The following ASPRV1 variants were observed in gnomAD, a reference collection of about 807,000 sequenced individuals.
ASPRV1 encodes aspartic peptidase retroviral like 1.
A neutral mutation model predicts 11.0 loss-of-function variants in ASPRV1; 7 were observed. The observed-to-expected ratio is 0.64, with a 90% CI of 0.36 to 1.20. The LOEUF is 1.20. Among genes scored for constraint, ASPRV1 ranks in the 50% most tolerant of loss-of-function variants. The pLI is 0.02. For missense variants in ASPRV1, 299 were observed against 320.0 expected, an observed-to-expected ratio of 0.93 and a Z score of 0.50; for synonymous variants, 136 against 138.4, an observed-to-expected ratio of 0.98 and a Z score of 0.12.
the ASPRV1 span, chr2:69,935,513 G>A: frequency 7.5e-7 from 1 of 1,331,274 alleles, no homozygotes; most frequent in East Asian, 2.3e-5. Flanking sequence ...GTTCAGTGAG[G>A]GTTTGTCTGT....
chr2:69,938,255 G>A, the ASPRV1 span: 1 of 1,614,058 alleles, frequency 6.2e-7, no homozygotes, highest in Non-Finnish European at 8.5e-7. Context: ...AAAGCTGCAG[G>A]ACAGTCACAA....
chr2:70,059,015 G>C, the ASPRV1 span, among the ~76,000 whole-genome samples: 3 of 149,990 alleles, frequency 2.0e-5, no homozygotes, highest in Admixed American at 2.0e-4. Context: ...AGCCTCCTGA[G>C]TAGCTGGGAC....
chr2:70,002,883 T>C, the ASPRV1 span, among the ~76,000 whole-genome samples: 2 of 152,226 alleles, frequency 1.3e-5, no homozygotes, highest in South Asian at 2.1e-4. Flanking sequence ...TGATAGAGTA[T>C]GCTCTTAAGT....
At chr2:69,994,674 G>T in the ASPRV1 span, among the ~76,000 whole-genome samples, 1 of 152,136 alleles carries the variant, frequency 6.6e-6, no homozygotes, top group African/African-American at 2.4e-5. Context: ...TCAATTTAGT[G>T]GGTCACAACC....
chr2:69,969,457 CT>C, the ASPRV1 span, among the ~76,000 whole-genome samples: 4 of 152,172 alleles, frequency 2.6e-5, no homozygotes, highest in South Asian at 2.1e-4. Flanking sequence ...TTCTCTGCGC[CT>C]TTGGTTTCTG....
At chr2:69,969,451 C>T in the ASPRV1 span, among the ~76,000 whole-genome samples, 1 of 152,156 alleles carries the variant, frequency 6.6e-6, no homozygotes, top group Non-Finnish European at 1.5e-5. Flanking sequence ...TAGGTCTTCT[C>T]TGCGCCTTTG....
chr2:69,944,261 C>G, the ASPRV1 span, among the ~76,000 whole-genome samples: 1 of 152,332 alleles, frequency 6.6e-6, no homozygotes, highest in Admixed American at 6.5e-5. Flanking sequence ...TAGCCTCCCC[C>G]ACAAGATGAC....
the ASPRV1 span, among the ~76,000 whole-genome samples, chr2:70,041,746 C>G: frequency 6.6e-6 from 1 of 152,126 alleles, no homozygotes; most frequent in East Asian, 1.9e-4. Flanking sequence ...AGAAGCCCTC[C>G]TATCTTGTAT....
At chr2:70,021,420 G>A in the ASPRV1 span, among the ~76,000 whole-genome samples, 5 of 150,700 alleles carry the variant, frequency 3.3e-5, no homozygotes, top group African/African-American at 1.2e-4. Flanking sequence ...CCGGGTTCAC[G>A]ACATTCTCCT....
chr2:70,086,343 CCT>C, the ASPRV1 span: 25 of 152,278 alleles, frequency 1.6e-4, no homozygotes, highest in South Asian at 6.2e-4. Flanking sequence ...AGCCGCTTTC[CCT>C]GAGAGATTGT....
At chr2:69,959,110 C>T (rs1189015922), downstream of ASPRV1, among the ~76,000 whole-genome samples, 2 of 152,142 alleles carry the variant, frequency 1.3e-5, no homozygotes, top group Non-Finnish European at 2.9e-5. Flanking sequence ...TTCAAAAAGT[C>T]CAGGGGCTTC....
At chr2:70,000,110 A>T in the ASPRV1 span, among the ~76,000 whole-genome samples, 5 of 152,252 alleles carry the variant, frequency 3.3e-5, no homozygotes, top group Admixed American at 3.3e-4. Flanking sequence ...TACCTTGATT[A>T]CATGGATATT....
the ASPRV1 span, chr2:70,059,815 G>A: frequency 6.6e-6 from 1 of 152,224 alleles, no homozygotes; most frequent in Non-Finnish European, 1.5e-5. Context: ...ATGCTGCGCT[G>A]ATCTGACAGG....
chr2:70,082,896 AAAAT>A, the ASPRV1 span, among the ~76,000 whole-genome samples: 1 of 152,166 alleles, frequency 6.6e-6, no homozygotes, highest in Non-Finnish European at 1.5e-5. Context: ...CTTCTCTCAA[AAAAT>A]AAATAAAAAT....
chr2:69,936,163 T>G, the ASPRV1 span, among the ~76,000 whole-genome samples: 1 of 152,112 alleles, frequency 6.6e-6, no homozygotes, highest in Non-Finnish European at 1.5e-5. Flanking sequence ...CAGATCACAG[T>G]GCAAGTCTCT....
At chr2:69,998,166 C>G in the ASPRV1 span, 1 of 151,102 alleles carries the variant, frequency 6.6e-6, no homozygotes, top group East Asian at 1.9e-4. Flanking sequence ...TGTGGGGACA[C>G]ATTTATGATT....
At chr2:69,949,071 C>T in the ASPRV1 span, among the ~76,000 whole-genome samples, 1 of 152,186 alleles carries the variant, frequency 6.6e-6, no homozygotes, top group African/African-American at 2.4e-5. Flanking sequence ...CACTTTCTAT[C>T]CGCTGTCCGC....
upstream of ASPRV1, chr2:69,963,196 A>G (rs1678195830): frequency 4.5e-6 from 2 of 447,362 alleles, no homozygotes; most frequent in East Asian, 1.4e-4. Flanking sequence ...AGTTGGGTCA[A>G]CACCTCTCAT....
chr2:70,057,261 G>A, the ASPRV1 span, among the ~76,000 whole-genome samples: 1 of 151,208 alleles, frequency 6.6e-6, no homozygotes, highest in African/African-American at 2.4e-5. Flanking sequence ...AAGAAAGAAA[G>A]AAAAAGAAAA....
Sources: allele counts gnomAD v4.1 joint callset (sites outside exome capture counted in the v4.1 genomes callset), GRCh38; gene constraint gnomAD v4.1.1; transcripts MANE v1.5; gene names NCBI Gene and HGNC (gene_info 2026-07-23, HGNC 2026-07-21).